The following MARCHF7 variants were observed in gnomAD, a reference collection of about 807,000 sequenced individuals.
MARCHF7 encodes membrane associated ring-CH-type finger 7, also known as E3 ubiquitin-protein ligase MARCHF7.
A neutral mutation model predicts 76.5 loss-of-function variants in MARCHF7; 20 were observed. The observed-to-expected ratio is 0.26, with a 90% CI of 0.18 to 0.38. The LOEUF (loss-of-function observed/expected upper bound fraction) is 0.38, where lower values mean the gene tolerates loss of function less well. MARCHF7 is among the 10% of genes least tolerant of loss of function. The probability of loss-of-function intolerance (pLI) is 1.00; values close to 1 mark genes in which losing one functional copy is unlikely to be tolerated. For synonymous variants in MARCHF7, 295 were observed against 293.0 expected, an observed-to-expected ratio of 1.01 and a Z score of -0.07; for missense variants, 797 against 812.9, an observed-to-expected ratio of 0.98 and a Z score of 0.24.
chr2:159,749,032 G>T (rs752811708), intron 7 of MARCHF7, 129 bp downstream of exon 7: 1 of 1,049,006 alleles, frequency 9.5e-7, no homozygotes, highest in Non-Finnish European at 1.3e-6. Context: ...AGGCTGGAGT[G>T]TAATGGCACC....
intron 8 of MARCHF7, among the ~76,000 whole-genome samples, chr2:159,756,713 A>C (rs892507963): frequency 7.8e-6 from 1 of 128,172 alleles, no homozygotes; most frequent in Non-Finnish European, 1.5e-5. Context: ...AAAAAAAAAA[A>C]ACAGATGATT....
intron 8 of MARCHF7, among the ~76,000 whole-genome samples, chr2:159,758,253 C>T (rs1706577651): frequency 6.6e-6 from 1 of 152,100 alleles, no homozygotes; most frequent in South Asian, 2.1e-4. Context: ...TACTACCTAC[C>T]AAATTGGAAC....
In MARCHF7 at chr2:159,748,567, GAGA is replaced by G. The variant is rs1317452717; in HGVS notation, c.1279_1281del (p.Glu427del). Reference sequence around the variant, plus strand: ...TCATCTAGATCTCATATTTTTAGAAGAGAATCAAATGAAGTGGTTCACCTTGAA... The same window carrying G: ...TCATCTAGATCTCATATTTTTAGAAGATCAAATGAAGTGGTTCACCTTGAA... On this transcript the variant is annotated inframe_deletion, in exon 7 of 12. Coordinates refer to ENST00000409175, the MANE Select transcript of MARCHF7 (RefSeq NM_001282805.2). The G allele has an allele frequency of 6.2e-7, 1 of 1,614,216 alleles. No individual in the cohort carries two copies. Among genetic ancestry groups the G allele is most frequent in the Non-Finnish European group, 8.5e-7 (1 of 1,180,044 alleles).
rs77566187 is a variant in MARCHF7 at position 159,757,812 on chromosome 2, C to T, written c.1784-1414C>T. 5.3e-4 allele frequency among the ~76,000 whole-genome samples: 81 copies of T among 152,288 alleles called. No homozygotes were observed. In the East Asian group the frequency reaches 0.015, roughly 28 times the overall value. ...ATATTACATTTTCATGTATGCTAGA[C>T]TCCAAAAAGACGCTTGGTTTCATTC... On this transcript the variant is annotated intron_variant, in intron 8 of 11. Coordinates refer to ENST00000409175, the MANE Select transcript of MARCHF7 (RefSeq NM_001282805.2).
intron 4 of MARCHF7, among the ~76,000 whole-genome samples, chr2:159,731,754 CAA>C (rs911349617): frequency 2.8e-5 from 4 of 145,364 alleles, no homozygotes; most frequent in Middle Eastern, 3.7e-3. Flanking sequence ...AACTCCGTCT[CAA>C]AAAAAAAATT....
In MARCHF7 at chr2:159,748,095, G is replaced by C; in HGVS notation, c.805G>C (p.Glu269Gln). Residue 269 changes from glutamate to glutamine, a missense_variant, in exon 7 of 12, where the codon GAA (glutamate) becomes CAA (glutamine). This residue lies in a region of MARCHF7 where 643 missense variants were observed against 631.5 expected (regional missense o/e 1.02). Transcript: ENST00000409175. ...TGTTTCATCTCAAAGACCATTTCAA[G>C]AATCTTCTGACAATGAAGGTAGGCG... ...RVVSSQRPFQ[E>Q]SSDNEGRRTT... 1 of 1,614,116 alleles carries C rather than the reference G, an allele frequency of 6.2e-7. No individual in the cohort carries two copies. Among genetic ancestry groups the C allele is most frequent in the Non-Finnish European group, 8.5e-7 (1 of 1,180,004 alleles).
At chr2:159,718,177 C>G (rs528985616) in intron 3 of MARCHF7, among the ~76,000 whole-genome samples, 62 of 152,056 alleles carry the variant, frequency 4.1e-4, no homozygotes, top group Admixed American at 2.2e-3. Context: ...AGAGTCATAC[C>G]CAAGCATACC....
chr2:159,766,656 A>G (rs1356783085), intron 11 of MARCHF7, among the ~76,000 whole-genome samples: 4 of 152,148 alleles, frequency 2.6e-5, no homozygotes, highest in Admixed American at 2.0e-4. Context: ...GAAATGTTGC[A>G]AAAGTGGTAA....
intron 4 of MARCHF7, among the ~76,000 whole-genome samples, chr2:159,740,114 C>A (rs1275581623): frequency 6.6e-6 from 1 of 152,172 alleles, no homozygotes; most frequent in Non-Finnish European, 1.5e-5. Context: ...TAATTGCCCT[C>A]TATTCCCATT....
Position 159,764,255 on chromosome 2 carries a change from T to TGCGCGC in MARCHF7, c.2008-368_2008-363dup, listed in dbSNP as rs1553788076. On this transcript the variant is annotated intron_variant, in intron 10 of 11. Coordinates refer to ENST00000409175, the MANE Select transcript of MARCHF7 (RefSeq NM_001282805.2). ...GTGTGTGTGTGTGTGTGTGTGTGTG[T>TGCGCGC]GCGCGCGCCCACTGAAACTGAATTT... Among the ~76,000 whole-genome samples the TGCGCGC allele has an allele frequency of 1.6e-3, 213 of 131,452 alleles. 1 individual carries two copies. The highest frequency in any genetic ancestry group is 4.5e-3 in the African/African-American group (149 of 32,900). 86.2% of individuals were successfully genotyped at this position (131,452 alleles called of 152,430 possible).
In MARCHF7 at chr2:159,734,145, G is replaced by C. The variant is rs974038184; in HGVS notation, c.153+4970G>C. On this transcript the variant is annotated intron_variant, in intron 4 of 11. Transcript: ENST00000409175. ...TTTCTATAAATATTGTTAAAAAGGG[G>C]TTATTTGTGGATATGTAATTTTGTT... The C allele has an allele frequency of 1.6e-5, 18 of 1,120,802 alleles. No individual in the cohort carries two copies. The African/African-American group carries it at 2.5e-4, about 16-fold the overall frequency. 69.4% of individuals were successfully genotyped at this position (1,120,802 alleles called of 1,614,324 possible). A position where few individuals can be genotyped will look rare whatever the true frequency, so the allele number is the denominator to read the frequency against.
At chr2:159,719,626 T>C (rs1701408681) in intron 3 of MARCHF7, among the ~76,000 whole-genome samples, 1 of 152,202 alleles carries the variant, frequency 6.6e-6, no homozygotes, top group Non-Finnish European at 1.5e-5. Flanking sequence ...CTAGCTTATT[T>C]CCTCCTTCCC....
chr2:159,734,202 AC>A, intron 4 of MARCHF7: 1 of 849,576 alleles, frequency 1.2e-6, no homozygotes, highest in African/African-American at 1.7e-5. Flanking sequence ...TTAAGGAAGC[AC>A]TAATCTGTTT....
rs78144739 is a variant in MARCHF7, at chr2:159,759,359, G to A, written c.1893+24G>A. 1.7e-4 allele frequency: 227 copies of A among 1,302,076 alleles called. 1 individual carries two copies. In the African/African-American group the frequency reaches 3.2e-3, roughly 18 times the overall value. The allele number at this position is 1,302,076 out of a possible 1,614,324, so 80.7% of individuals were successfully genotyped here. On this transcript the variant is annotated intron_variant, in intron 9 of 11. Transcript: ENST00000409175. The stretch of plus-strand genomic sequence containing the variant: ...AAGTTAGTATATTTTGCCTAATTTG[G>A]TAAGTGTCTATTCTATGCTTCAAGG...
intron 4 of MARCHF7, among the ~76,000 whole-genome samples, chr2:159,742,679 G>A (rs1704276808): frequency 6.6e-6 from 1 of 152,180 alleles, no homozygotes; most frequent in Non-Finnish European, 1.5e-5. Context: ...CAGGCACAGA[G>A]GCTCGTGCCT....
intron 6 of MARCHF7, 102 bp downstream of exon 6, chr2:159,746,039 G>A (rs2125582871): frequency 2.3e-6 from 2 of 876,508 alleles, no homozygotes; most frequent in Non-Finnish European, 3.3e-6. Context: ...TGTATATTTT[G>A]TCTTATGAAG....
intron 4 of MARCHF7, among the ~76,000 whole-genome samples, chr2:159,737,621 C>T (rs1357317378): frequency 6.6e-6 from 1 of 152,054 alleles, no homozygotes; most frequent in Non-Finnish European, 1.5e-5. Context: ...CAGTCTCTAC[C>T]AAGAAATAAT....
chr2:159,748,335 C>G lies in MARCHF7; in HGVS notation c.1045C>G (p.Arg349Gly), dbSNP rs745822275. The G allele has an allele frequency of 1.2e-6, 2 of 1,613,554 alleles. No individual in the cohort carries two copies. Among genetic ancestry groups the G allele is most frequent in the South Asian group, 2.2e-5 (2 of 91,034 alleles). Residue 349 changes from arginine to glycine, a missense_variant, in exon 7 of 12, where the codon CGA becomes GGA. This residue lies in a region of MARCHF7 where 643 missense variants were observed against 631.5 expected (regional missense o/e 1.02). Transcript: ENST00000409175. Reference protein sequence around the residue: ...NRASEASQGFRFLRRRWGLSS... With the variant: ...NRASEASQGFGFLRRRWGLSS... ...GGCATCTGAAGCTTCTCAGGGATTT[C>G]GATTTCTTAGGCGAAGATGGGGTTT...
Position 159,764,634 on chromosome 2 carries a change from C to T in MARCHF7, c.2016C>T (p.Asn672=). 4 of 1,598,590 alleles carry T rather than the reference C, an allele frequency of 2.5e-6. No individual in the cohort carries two copies. The East Asian group carries it at 6.9e-5, about 27-fold the overall frequency. ...TTCTGCATTGTTTCTAGTTTATTAA[C>T]CTTGCAAGAACTCTTCAGGCACATA... ...NEPSTRVRFI[N]LARTLQAHME... The change falls in exon 11 of 12, where the codon AAC becomes AAT. Residue 672 remains asparagine, a synonymous_variant. Coordinates refer to ENST00000409175, the MANE Select transcript of MARCHF7 (RefSeq NM_001282805.2).
Sources: gnomAD v4.1 joint callset for allele counts (sites outside exome capture counted in the v4.1 genomes callset) on GRCh38, gnomAD v4.1.1 for gene constraint, gnomAD v4.1.1 regional missense constraint, MANE v1.5 for transcripts, NCBI Gene and HGNC (gene_info 2026-07-23, HGNC 2026-07-21) for gene names.